URI1: variants seen among roughly 807,000 people sequenced by gnomAD.
URI1 encodes URI1 prefoldin like chaperone, also known as unconventional prefoldin RPB5 interactor 1.
Under a neutral mutation model 60.2 loss-of-function variants are expected in URI1, and 39 were observed. The observed-to-expected ratio is 0.65, with a 90% confidence interval of 0.50 to 0.85. URI1 has a LOEUF of 0.85. Among genes scored for constraint, URI1 ranks in the 40% least tolerant of loss-of-function variants. URI1 has a pLI of 0.00. For missense variants in URI1, 691 were observed against 665.9 expected, an observed-to-expected ratio of 1.04 and a Z score of -0.42; for synonymous variants, 251 against 236.8, an observed-to-expected ratio of 1.06 and a Z score of -0.55.
chr19:29,983,150 T>G (rs75462603), intron 2 of URI1: 16 of 152,294 alleles, frequency 1.1e-4, no homozygotes, highest in East Asian at 1.9e-4. Context: ...GGATTTTTTT[T>G]GGGGAAAGTT....
intron 7 of URI1, among the ~76,000 whole-genome samples, chr19:30,008,242 A>G (rs969354757): frequency 2.0e-5 from 3 of 152,148 alleles, no homozygotes; most frequent in Non-Finnish European, 4.4e-5. Context: ...GAGAAGTTCT[A>G]TATTATTTTG....
At chr19:29,934,108 G>C (rs1402003072) in intron 1 of URI1, among the ~76,000 whole-genome samples, 1 of 151,414 alleles carries the variant, frequency 6.6e-6, no homozygotes, top group Non-Finnish European at 1.5e-5. Flanking sequence ...GCTAATTTTT[G>C]TATTATTAGA....
intron 2 of URI1, among the ~76,000 whole-genome samples, chr19:29,973,422 G>A (rs1367312233): frequency 6.6e-6 from 1 of 152,096 alleles, no homozygotes; most frequent in East Asian, 1.9e-4. Context: ...TATTAGCCTA[G>A]TCTAAAATAT....
chr19:29,947,941 C>T (rs1306824079), intron 1 of URI1, among the ~76,000 whole-genome samples: 1 of 152,158 alleles, frequency 6.6e-6, no homozygotes, highest in African/African-American at 2.4e-5. Flanking sequence ...TACATTCTAC[C>T]TGGAATTGGC....
intron 1 of URI1, among the ~76,000 whole-genome samples, chr19:29,944,227 G>T (rs1324514946): frequency 1.7e-5 from 2 of 120,822 alleles, no homozygotes; most frequent in Non-Finnish European, 3.4e-5. Context: ...TAAATTAGAA[G>T]ACATTAATGT....
intron 1 of URI1, among the ~76,000 whole-genome samples, chr19:29,944,055 C>A (rs1166085162): frequency 6.8e-6 from 1 of 146,940 alleles, no homozygotes. Flanking sequence ...GAGAGGATCA[C>A]TTGAGCTCAG....
intron 1 of URI1, chr19:29,957,990 G>C (rs1485986448): frequency 6.8e-6 from 1 of 147,984 alleles, no homozygotes; most frequent in Non-Finnish European, 1.5e-5. Flanking sequence ...TGAGTTTGCT[G>C]TGTTGGCCAG....
At chr19:29,946,869 C>T (rs77514637) in intron 1 of URI1, among the ~76,000 whole-genome samples, 2,092 of 152,242 alleles carry the variant, frequency 0.014, 44 homozygotes, top group African/African-American at 0.048. Context: ...CAAAATACAG[C>T]AAGTTCTTTC....
chr19:29,973,758 TATA>T (rs1229687230), intron 2 of URI1, among the ~76,000 whole-genome samples: 1 of 152,290 alleles, frequency 6.6e-6, no homozygotes, highest in East Asian at 1.9e-4. Flanking sequence ...CGAAGAAATT[TATA>T]ATATTTGTTT....
intron 2 of URI1, chr19:29,980,406 A>T (rs1463012726): frequency 6.6e-6 from 1 of 152,010 alleles, no homozygotes; most frequent in Non-Finnish European, 1.5e-5. Flanking sequence ...AGAAGGTTAT[A>T]TATTGTATAT....
At chr19:30,005,735 A>C in intron 6 of URI1, 27 bp downstream of exon 6, 1 of 1,592,926 alleles carries the variant, frequency 6.3e-7, no homozygotes, top group Non-Finnish European at 8.5e-7. Context: ...TTTTATGTGT[A>C]GCTGTTTAGA....
chr19:29,989,916 T>G (rs189201630), intron 4 of URI1, among the ~76,000 whole-genome samples: 129 of 152,312 alleles, frequency 8.5e-4, no homozygotes, highest in African/African-American at 2.6e-3. Flanking sequence ...TTAGCTTTTT[T>G]TAATGGATCA....
Position 29,977,130 on chromosome 19 carries a change from C to G in URI1, c.152+5903C>G, listed in dbSNP as rs1046661268. ...ATCTCAGGTGAAGATTTGATTTTCT[C>G]TCTCTCTTTTTTTTTTTTCCTGTTG... On this transcript the variant is annotated intron_variant, in intron 2 of 10. Transcript: ENST00000392271. Among the ~76,000 whole-genome samples, 21 of 151,454 alleles carry G rather than the reference C, an allele frequency of 1.4e-4. No homozygotes were observed. The South Asian group carries it at 4.4e-3, about 32-fold the overall frequency.
At chr19:29,960,412 CTT>C (rs1218524011) in intron 1 of URI1, among the ~76,000 whole-genome samples, 16 of 149,330 alleles carry the variant, frequency 1.1e-4, no homozygotes. Flanking sequence ...ATTTTTCTCT[CTT>C]TTTTTAACCT....
intron 1 of URI1, among the ~76,000 whole-genome samples, chr19:29,969,933 T>C (rs2055437295): frequency 6.6e-6 from 1 of 152,154 alleles, no homozygotes; most frequent in Non-Finnish European, 1.5e-5. Context: ...TGATACTTAC[T>C]GAGAGATCTT....
At chr19:29,953,592 A>C (rs2055206165) in intron 1 of URI1, among the ~76,000 whole-genome samples, 1 of 152,192 alleles carries the variant, frequency 6.6e-6, no homozygotes, top group Non-Finnish European at 1.5e-5. Context: ...GCAATATCCT[A>C]GGCAATGCAG....
intron 2 of URI1, among the ~76,000 whole-genome samples, chr19:29,984,971 C>G (rs2055644546): frequency 6.6e-6 from 1 of 151,338 alleles, no homozygotes; most frequent in African/African-American, 2.4e-5. Context: ...AATACAAAAA[C>G]TAGCCTTGCA....
At chr19:30,005,263 T>A in intron 4 of URI1, 98 bp from the exon 5 acceptor site, 1 of 664,548 alleles carries the variant, frequency 1.5e-6, no homozygotes, top group Non-Finnish European at 2.5e-6. Flanking sequence ...AGCATTACTG[T>A]TAAATCATAC....
intron 8 of URI1, 107 bp from the exon 9 acceptor site, chr19:30,010,987 A>G: frequency 7.9e-7 from 1 of 1,259,606 alleles, no homozygotes; most frequent in Non-Finnish European, 1.1e-6. Flanking sequence ...AGAAAATTTC[A>G]GCTGCCTCTC....
Sources: allele counts gnomAD v4.1 joint callset (sites outside exome capture counted in the v4.1 genomes callset), GRCh38; gene constraint gnomAD v4.1.1; transcripts MANE v1.5; gene names NCBI Gene and HGNC (gene_info 2026-07-23, HGNC 2026-07-21).